The following ATG14 variants were observed in gnomAD, a reference collection of about 807,000 sequenced individuals.
The protein encoded by ATG14 is beclin 1-associated autophagy-related key regulator.
ATG14 carries 35 observed loss-of-function variants against 60.4 expected under a neutral mutation model. The observed-to-expected ratio is 0.58, with a 90% confidence interval of 0.44 to 0.77. The LOEUF (loss-of-function observed/expected upper bound fraction) is 0.77. ATG14 is among the 30% of genes least tolerant of loss of function. The pLI is 0.00. For synonymous variants in ATG14, 234 were observed against 228.8 expected, an observed-to-expected ratio of 1.02 and a Z score of -0.21; for missense variants, 647 against 626.3, an observed-to-expected ratio of 1.03 and a Z score of -0.35.
chr14:55,401,515 A>G (rs1371280586), intron 1 of ATG14, among the ~76,000 whole-genome samples: 3 of 152,162 alleles, frequency 2.0e-5, no homozygotes, highest in African/African-American at 7.2e-5. Flanking sequence ...TTTCTCTCCC[A>G]ATTAAAAAAG....
chr14:55,370,694 T>A lies in ATG14; in HGVS notation c.1173-769A>T, dbSNP rs113333931. Among the ~76,000 whole-genome samples, 469 of 151,966 alleles carry A rather than the reference T, an allele frequency of 3.1e-3. 4 individuals carry two copies. The highest frequency in any genetic ancestry group is 0.011 in the African/African-American group (442 of 41,422). On this transcript the variant is annotated intron_variant, in intron 9 of 9. Transcript: ENST00000247178. ...TCTCGTTCTGTTGCCCAGGCTGGAGTGCAGTGGCGCCATCTTGGCTCCTGC... is the reference window on the plus strand; with the variant it reads ...TCTCGTTCTGTTGCCCAGGCTGGAGAGCAGTGGCGCCATCTTGGCTCCTGC...
rs1884715009 is a variant in ATG14, at chr14:55,367,805, A to G, written c.*1814T>C. 6.6e-6 allele frequency: 1 copy of G among 152,254 alleles called. No homozygotes were observed. The highest frequency in any genetic ancestry group is 1.5e-5 in the Non-Finnish European group (1 of 68,014). The allele number at this position is 152,254 out of a possible 1,614,324, so 9.4% of individuals were successfully genotyped here. A position where few individuals can be genotyped will look rare whatever the true frequency, so the allele number is the denominator to read the frequency against. ...TACTTCCTCCTTTCATGGAAAATTC[A>G]TAGAGCCAAGGAATTTGTGACTACC... On this transcript the variant is annotated 3_prime_UTR_variant, in exon 10 of 10. Transcript: ENST00000247178.
At position 55,411,554 on chromosome 14, in the gene ATG14, G is replaced by A. The variant is rs776468077; in HGVS notation, c.221+48C>T. ...GGTTCCAGCCTTCGGCTGCCTGGCTGGAGGACACACAGCAGAAGAAACAAT... is the reference window on the plus strand; with the variant it reads ...GGTTCCAGCCTTCGGCTGCCTGGCTAGAGGACACACAGCAGAAGAAACAAT... On this transcript the variant is annotated intron_variant, in intron 1 of 9. Coordinates refer to ENST00000247178, the MANE Select transcript of ATG14 (RefSeq NM_014924.5). 2.6e-6 allele frequency: 4 copies of A among 1,544,252 alleles called. No homozygotes were observed. The South Asian group carries it at 4.7e-5, about 18-fold the overall frequency.
Position 55,369,764 on chromosome 14 carries a change from T to C in ATG14, c.1334A>G (p.Asp445Gly), listed in dbSNP as rs779821058. 5 of 1,614,156 alleles carry C rather than the reference T, an allele frequency of 3.1e-6. No individual in the cohort carries two copies. The highest frequency in any genetic ancestry group is 4.2e-6 in the Non-Finnish European group (5 of 1,180,024). ...GACTTCCACAGACTGGGAAGGGATA[T>C]CACAAAACCGGGGACTAGGCAAGTT... ...WENLPSPRFC[D>G]IPSQSVEVSQ... The change falls in exon 10 of 10, where the codon GAT (aspartate) becomes GGT (glycine). Residue 445 changes from aspartate (D) to glycine (G), a missense_variant. By Grantham distance (94) the Asp-to-Gly change is moderately conservative. Coordinates refer to ENST00000247178, the MANE Select transcript of ATG14 (RefSeq NM_014924.5).
intron 4 of ATG14, 116 bp from the exon 5 acceptor site, chr14:55,386,212 C>T: frequency 1.2e-6 from 1 of 846,428 alleles, no homozygotes; most frequent in Non-Finnish European, 1.8e-6. Context: ...AAAGCAAAAC[C>T]TGAATAATAT....
At chr14:55,372,857 G>A (rs951057573) in intron 9 of ATG14, among the ~76,000 whole-genome samples, 1 of 152,140 alleles carries the variant, frequency 6.6e-6, no homozygotes, top group Admixed American at 6.5e-5. Flanking sequence ...GTGGACTCCG[G>A]TTCTCTGCGT....
intron 1 of ATG14, among the ~76,000 whole-genome samples, chr14:55,399,711 T>C (rs1200550607): frequency 6.6e-6 from 1 of 152,200 alleles, no homozygotes; most frequent in Admixed American, 6.5e-5. Flanking sequence ...TTCTGATAAT[T>C]AGAAAATAAT....
chr14:55,402,970 A>ATATATATAT (rs1566585833), intron 1 of ATG14, among the ~76,000 whole-genome samples: 70 of 69,454 alleles, frequency 1.0e-3, no homozygotes, highest in Non-Finnish European at 1.7e-3. Flanking sequence ...TATATATATA[A>ATATATATAT]ATAGCTGGGC....
Position 55,366,892 on chromosome 14 carries a change from A to G in ATG14, c.*2727T>C, listed in dbSNP as rs1884691759. On this transcript the variant is annotated 3_prime_UTR_variant, in exon 10 of 10. Transcript: ENST00000247178. ...AAAAGAGTAGAAAAAACAGTGGTTG[A>G]AATGTATACTTAAGAGTATTTACAG... is the stretch of plus-strand genomic sequence containing the variant. 1 of 152,684 alleles carries G rather than the reference A, an allele frequency of 6.5e-6. No homozygotes were observed. Among genetic ancestry groups the G allele is most frequent in the Non-Finnish European group, 1.5e-5 (1 of 68,050 alleles). 9.5% of individuals were successfully genotyped at this position (152,684 alleles called of 1,614,324 possible). A position where few individuals can be genotyped will look rare whatever the true frequency, so the allele number is the denominator to read the frequency against.
intron 9 of ATG14, among the ~76,000 whole-genome samples, chr14:55,371,924 C>T (rs1463824087): frequency 6.6e-6 from 1 of 152,128 alleles, no homozygotes; most frequent in Non-Finnish European, 1.5e-5. Flanking sequence ...TTTCTACTGC[C>T]CCTTGAATTT....
At position 55,410,996 on chromosome 14, in the gene ATG14, T is replaced by A. The variant is rs1034059846; in HGVS notation, c.221+606A>T. On this transcript the variant is annotated intron_variant, in intron 1 of 9. Transcript: ENST00000247178. ...TTAACTAAAAGCATGCAGCTCCCAA[T>A]CTGAATTTTAAAACAAGGCCAAAAC... 7.2e-5 allele frequency among the ~76,000 whole-genome samples: 11 copies of A among 152,328 alleles called. No individual in the cohort carries two copies. The East Asian group carries it at 7.7e-4, about 11-fold the overall frequency.
chr14:55,369,647 CAGG>C lies in ATG14; in HGVS notation c.1448_1450del (p.Ser483del), dbSNP rs1884766480. The C allele has an allele frequency of 6.5e-7, 1 of 1,540,602 alleles. No individual in the cohort carries two copies. The highest frequency in any genetic ancestry group is 2.0e-5 in the Admixed American group (1 of 50,290). ...ACGGTGTCCAGTGTAAGCTTTAAACCAGGAGGTCACCGAGGCTGCTGCAGAGGA... is the reference window on the plus strand; with the variant it reads ...ACGGTGTCCAGTGTAAGCTTTAAACCAGGTCACCGAGGCTGCTGCAGAGGA... On this transcript the variant is annotated inframe_deletion, in exon 10 of 10. Coordinates refer to ENST00000247178, the MANE Select transcript of ATG14 (RefSeq NM_014924.5).
chr14:55,376,727 C>A (rs1884925185), intron 9 of ATG14, among the ~76,000 whole-genome samples: 1 of 152,178 alleles, frequency 6.6e-6, no homozygotes, highest in African/African-American at 2.4e-5. Context: ...AAAGAACTTT[C>A]CCGCCATTTG....
intron 1 of ATG14, among the ~76,000 whole-genome samples, chr14:55,408,289 C>CA (rs1885519898): frequency 6.6e-6 from 1 of 151,856 alleles, no homozygotes; most frequent in Admixed American, 6.6e-5. Context: ...CCTGTCTTTA[C>CA]AAAAAATACA....
intron 1 of ATG14, 24 bp downstream of exon 1, chr14:55,411,578 A>G (rs768139916): frequency 1.3e-6 from 2 of 1,587,966 alleles, no homozygotes; most frequent in Non-Finnish European, 1.7e-6. Context: ...AGAAGAAACA[A>G]TAGGGCCGTG....
intron 4 of ATG14, among the ~76,000 whole-genome samples, chr14:55,388,708 CA>C (rs1243672795): frequency 6.6e-6 from 1 of 152,200 alleles, no homozygotes; most frequent in African/African-American, 2.4e-5. Flanking sequence ...AGCTCTTAAG[CA>C]TGAGTCCGAG....
chr14:55,375,128 C>T (rs936301706), intron 9 of ATG14, among the ~76,000 whole-genome samples: 2 of 152,114 alleles, frequency 1.3e-5, no homozygotes, highest in Admixed American at 6.6e-5. Context: ...ACTCCTCATA[C>T]GGTGTGTAGA....
intron 1 of ATG14, 77 bp downstream of exon 1, chr14:55,411,525 C>T: frequency 7.1e-7 from 1 of 1,417,636 alleles, no homozygotes. Flanking sequence ...GACGGGGAGC[C>T]CCAGGTTCCA....
At chr14:55,410,828 A>G (rs141968014) in intron 1 of ATG14, among the ~76,000 whole-genome samples, 67 of 152,338 alleles carry the variant, frequency 4.4e-4, no homozygotes, top group African/African-American at 1.4e-3. Context: ...ATTGACTATC[A>G]TTGACACTAA....
Sources: allele counts gnomAD v4.1 joint callset (sites outside exome capture counted in the v4.1 genomes callset), GRCh38; gene constraint gnomAD v4.1.1; transcripts MANE v1.5; gene names NCBI Gene and HGNC (gene_info 2026-07-23, HGNC 2026-07-21).